PACSIN2: variants seen among roughly 807,000 people sequenced by gnomAD.
The protein encoded by PACSIN2 is protein kinase C and casein kinase substrate in neurons protein 2.
A neutral mutation model predicts 63.8 loss-of-function variants in PACSIN2; 25 were observed. The ratio of observed to expected loss-of-function variants is 0.39; its 90% CI spans 0.29 to 0.55. The LOEUF is 0.55. Ranked by LOEUF, PACSIN2 falls within the 20% of genes least tolerant of loss-of-function variation. The pLI is 0.62. For missense variants in PACSIN2, 518 were observed against 646.9 expected, an observed-to-expected ratio of 0.80 and a Z score of 2.16; for synonymous variants, 255 against 256.2, an observed-to-expected ratio of 1.00 and a Z score of 0.05.
chr22:42,988,231 AAGG>A (rs112843745), intron 1 of PACSIN2, among the ~76,000 whole-genome samples: 3,912 of 152,332 alleles, frequency 0.026, 165 homozygotes, highest in African/African-American at 0.09. Flanking sequence ...CACCAAAGAC[AAGG>A]AGAAGATAGT....
intron 1 of PACSIN2, among the ~76,000 whole-genome samples, chr22:42,937,638 G>A (rs1932969737): frequency 6.6e-6 from 1 of 152,024 alleles, no homozygotes. Flanking sequence ...AGCATACGAG[G>A]TGCTTTCACT....
At chr22:42,955,819 T>C (rs58180340) in intron 1 of PACSIN2, among the ~76,000 whole-genome samples, 3,265 of 152,318 alleles carry the variant, frequency 0.021, 109 homozygotes, top group African/African-American at 0.074. Flanking sequence ...TCCAAATCAA[T>C]AGATACTGGT....
chr22:42,981,828 G>A, intron 1 of PACSIN2, among the ~76,000 whole-genome samples: 1 of 124,880 alleles, frequency 8.0e-6, no homozygotes, highest in African/African-American at 3.1e-5. Context: ...GGAGGTGGGG[G>A]GTCAGCCCCC....
chr22:42,894,787 A>C (rs563734433), intron 2 of PACSIN2, among the ~76,000 whole-genome samples: 6 of 152,230 alleles, frequency 3.9e-5, no homozygotes, highest in Non-Finnish European at 7.4e-5. Context: ...TAACTTGAGC[A>C]CCCAGAGGAA....
intron 1 of PACSIN2, among the ~76,000 whole-genome samples, chr22:43,011,906 G>C (rs1216742172): frequency 1.3e-5 from 2 of 151,822 alleles, no homozygotes; most frequent in East Asian, 1.9e-4. Context: ...CAGCACTTTG[G>C]GAGGCCAAGG....
chr22:42,911,311 G>A (rs922612139), intron 2 of PACSIN2, among the ~76,000 whole-genome samples: 4 of 151,662 alleles, frequency 2.6e-5, no homozygotes, highest in Non-Finnish European at 5.9e-5. Flanking sequence ...TCAGTAGGCT[G>A]AGGTGGGAGG....
intron 1 of PACSIN2, among the ~76,000 whole-genome samples, chr22:43,000,911 C>T (rs1923726308): frequency 6.6e-6 from 1 of 152,182 alleles, no homozygotes; most frequent in African/African-American, 2.4e-5. Context: ...CTCTGGAGTA[C>T]TGGAAGGCCC....
intron 1 of PACSIN2, among the ~76,000 whole-genome samples, chr22:42,918,516 T>C (rs1931956867): frequency 6.6e-6 from 1 of 152,180 alleles, no homozygotes; most frequent in South Asian, 2.1e-4. Flanking sequence ...GTATTATTGT[T>C]TCCATTTGAT....
At chr22:43,014,365 C>CA (rs1227376539) in intron 1 of PACSIN2, among the ~76,000 whole-genome samples, 46 of 9,378 alleles carry the variant, frequency 4.9e-3, no homozygotes, top group African/African-American at 0.012. Flanking sequence ...CACACACACA[C>CA]CACCCCCCCC....
chr22:42,874,565 CATG>C (rs1928439269), intron 10 of PACSIN2, among the ~76,000 whole-genome samples: 1 of 152,218 alleles, frequency 6.6e-6, no homozygotes, highest in South Asian at 2.1e-4. Context: ...GGCCCAGGGG[CATG>C]CCAAGTGCTA....
At chr22:42,979,523 C>CAAAAAAAAAAAAAAAA (rs768725896) in intron 1 of PACSIN2, among the ~76,000 whole-genome samples, 1 of 61,642 alleles carries the variant, frequency 1.6e-5, no homozygotes, top group Non-Finnish European at 3.2e-5. Context: ...GACTCCCTCT[C>CAAAAAAAAAAAAAAAA]AAAAAAAAAA....
At chr22:42,951,949 G>A (rs887760731) in intron 1 of PACSIN2, among the ~76,000 whole-genome samples, 10 of 152,100 alleles carry the variant, frequency 6.6e-5, no homozygotes, top group African/African-American at 1.2e-4. Context: ...CCCCTCTGCC[G>A]GGAATACCTG....
At chr22:42,989,213 C>A (rs1476394287) in intron 1 of PACSIN2, among the ~76,000 whole-genome samples, 1 of 152,142 alleles carries the variant, frequency 6.6e-6, no homozygotes, top group East Asian at 1.9e-4. Context: ...AAACTCAATT[C>A]TCGGCCGGGC....
chr22:42,971,899 C>A (rs1305696940), intron 1 of PACSIN2, among the ~76,000 whole-genome samples: 75 of 54,772 alleles, frequency 1.4e-3, no homozygotes, highest in East Asian at 3.6e-3. Context: ...TGGGGGGCAG[C>A]CTCCACCCGG....
rs9620100 is a variant in PACSIN2, at chr22:42,941,363, A to G, written c.-77-29206T>C. Among the ~76,000 whole-genome samples the G allele has an allele frequency of 8.2e-3, 1,245 of 152,340 alleles. 23 individuals carry two copies. The highest frequency in any genetic ancestry group is 0.029 in the African/African-American group (1,207 of 41,580). On this transcript the variant is annotated intron_variant, in intron 1 of 10. Coordinates refer to ENST00000263246, the MANE Select transcript of PACSIN2 (RefSeq NM_001184970.3). The stretch of plus-strand genomic sequence containing the variant: ...GTGCTGCTATTACCATTTGTGTACA[A>G]GCCTTTGTATGGACAGATGTTTTCA...
At chr22:42,966,348 A>T (rs1312558401) in intron 1 of PACSIN2, among the ~76,000 whole-genome samples, 1 of 148,994 alleles carries the variant, frequency 6.7e-6, no homozygotes, top group Non-Finnish European at 1.5e-5. Context: ...CTGGCGACAG[A>T]GTGAGACTGC....
chr22:43,009,057 C>T (rs1482635175), intron 1 of PACSIN2, among the ~76,000 whole-genome samples: 4 of 152,174 alleles, frequency 2.6e-5, no homozygotes, highest in South Asian at 2.1e-4. Context: ...CAGTCCTTTC[C>T]GGCAGATGAA....
chr22:42,913,885 C>A lies in PACSIN2; in HGVS notation c.-77-1728G>T, dbSNP rs543059189. On this transcript the variant is annotated intron_variant, in intron 1 of 10. Coordinates refer to ENST00000263246, the MANE Select transcript of PACSIN2 (RefSeq NM_001184970.3). ...CAATCTCAAAGTTAAGTAAATCAGG[C>A]TTCCTACAACCTAAAATTGGATTGC... 9.8e-5 allele frequency among the ~76,000 whole-genome samples: 15 copies of A among 152,296 alleles called. No homozygotes were observed. In the South Asian group the frequency reaches 3.1e-3, roughly 32 times the overall value.
intron 1 of PACSIN2, among the ~76,000 whole-genome samples, chr22:42,955,775 AT>A (rs1161385664): frequency 1.3e-5 from 2 of 152,248 alleles, no homozygotes; most frequent in East Asian, 3.8e-4. Context: ...GACCGTCCCT[AT>A]AGATGGGAAA....
Sources: gnomAD v4.1 joint callset for allele counts (sites outside exome capture counted in the v4.1 genomes callset) on GRCh38, gnomAD v4.1.1 for gene constraint, MANE v1.5 for transcripts, NCBI Gene and HGNC (gene_info 2026-07-23, HGNC 2026-07-21) for gene names.